The following GRID2 variants were observed in gnomAD, a reference collection of about 807,000 sequenced individuals.
The protein encoded by GRID2 is glutamate ionotropic receptor delta type subunit 2.
In GRID2, 33 loss-of-function variants were observed where a neutral mutation model predicts 114.8. The observed-to-expected ratio is 0.29, with a 90% CI of 0.22 to 0.38. The LOEUF (loss-of-function observed/expected upper bound fraction) is 0.38, where lower values mean the gene tolerates loss of function less well. Among genes scored for constraint, GRID2 ranks in the 10% least tolerant of loss-of-function variants. The probability of loss-of-function intolerance (pLI) is 1.00; values close to 1 mark genes in which losing one functional copy is unlikely to be tolerated. For missense variants in GRID2, 1,184 were observed against 1,257.7 expected (o/e 0.94, Z 0.89); for synonymous variants, 505 against 449.9 (o/e 1.12, Z -1.55).
intron 2 of GRID2, among the ~76,000 whole-genome samples, chr4:92,666,221 GTTA>G (rs78941076): frequency 0.061 from 9,207 of 151,326 alleles, 335 homozygotes; most frequent in East Asian, 0.16. Flanking sequence ...TTTCATTTCA[GTTA>G]TTATACTTCC....
Position 93,668,192 on chromosome 4 carries a change from T to G in GRID2, c.2360+41757T>G, listed in dbSNP as rs542000285. On this transcript the variant is annotated intron_variant, in intron 14 of 15. Coordinates refer to ENST00000282020, the MANE Select transcript of GRID2 (RefSeq NM_001510.4). ...ATACCTAAAGCTTTTCACTCAAGCA[T>G]TACACATTTCTCTGTCTTTATAAAC... Among the ~76,000 whole-genome samples, 4 of 152,108 alleles carry G rather than the reference T, an allele frequency of 2.6e-5. No homozygotes were observed. The East Asian group carries it at 7.7e-4, about 29-fold the overall frequency.
At chr4:93,211,886 C>T (rs950945398) in intron 5 of GRID2, among the ~76,000 whole-genome samples, 1 of 152,122 alleles carries the variant, frequency 6.6e-6, no homozygotes, top group African/African-American at 2.4e-5. Flanking sequence ...AAAATCAACA[C>T]TCTTACTTTC....
intron 5 of GRID2, among the ~76,000 whole-genome samples, chr4:93,211,521 T>A (rs1000242061): frequency 1.3e-5 from 2 of 152,080 alleles, no homozygotes; most frequent in Admixed American, 1.3e-4. Context: ...AATAACTCAA[T>A]ACATGTTAGA....
intron 13 of GRID2, among the ~76,000 whole-genome samples, chr4:93,588,267 T>C (rs1737742186): frequency 6.6e-6 from 1 of 152,112 alleles, no homozygotes; most frequent in Admixed American, 6.5e-5. Flanking sequence ...TTTAAATGAA[T>C]AAGCTAAAGA....
At chr4:93,777,517 C>G (rs181082058), downstream of GRID2, among the ~76,000 whole-genome samples, 183 of 152,234 alleles carry the variant, frequency 1.2e-3, no homozygotes, top group Middle Eastern at 3.4e-3. Context: ...TATTACCTAC[C>G]TCATAGTATA....
chr4:92,446,294 C>T (rs1279952762), intron 1 of GRID2, among the ~76,000 whole-genome samples: 1 of 152,100 alleles, frequency 6.6e-6, no homozygotes, highest in East Asian at 1.9e-4. Flanking sequence ...CTTCTTGGTA[C>T]CCAAATTGAG....
At chr4:92,441,202 G>A (rs916485203) in intron 1 of GRID2, among the ~76,000 whole-genome samples, 3 of 152,116 alleles carry the variant, frequency 2.0e-5, no homozygotes, top group Non-Finnish European at 4.4e-5. Context: ...AAGGTGTTTG[G>A]GTTTGAGAGA....
rs528018063 is a variant in GRID2, at chr4:92,675,616, T to C, written c.244+85330T>C. 2.0e-5 allele frequency among the ~76,000 whole-genome samples: 3 copies of C among 150,696 alleles called. No homozygotes were observed. The Middle Eastern group carries it at 0.01, about 516-fold the overall frequency. On this transcript the variant is annotated intron_variant, in intron 2 of 15. Coordinates refer to ENST00000282020, the MANE Select transcript of GRID2 (RefSeq NM_001510.4). ...CCCAGGCTGGAGTGCAGAGGCACGA[T>C]CTTGGCTCACTGCAAGCTCCGCCTC...
intron 8 of GRID2, among the ~76,000 whole-genome samples, chr4:93,387,040 C>G (rs746695231): frequency 8.5e-5 from 13 of 152,176 alleles, no homozygotes; most frequent in Non-Finnish European, 1.6e-4. Context: ...CTGTGAAGGC[C>G]TCCCAGGCAA....
chr4:92,799,122 T>C (rs1219132763), intron 2 of GRID2, among the ~76,000 whole-genome samples: 1 of 151,972 alleles, frequency 6.6e-6, no homozygotes, highest in Non-Finnish European at 1.5e-5. Context: ...TAATGTAGAA[T>C]CACTGGGAGC....
intron 1 of GRID2, among the ~76,000 whole-genome samples, chr4:92,523,531 G>C (rs1377548142): frequency 1.3e-5 from 2 of 152,148 alleles, no homozygotes; most frequent in Non-Finnish European, 2.9e-5. Context: ...TAAAGGAAGA[G>C]AGACATGTGA....
At chr4:93,403,923 T>G (rs2149342305) in intron 9 of GRID2, among the ~76,000 whole-genome samples, 1 of 152,208 alleles carries the variant, frequency 6.6e-6, no homozygotes, top group East Asian at 1.9e-4. Context: ...AAACTTGTAC[T>G]CAAATGCTCA....
Position 92,930,102 on chromosome 4 carries a change from G to A in GRID2, c.245-154893G>A, listed in dbSNP as rs143857984. On this transcript the variant is annotated intron_variant, in intron 2 of 15. Transcript: ENST00000282020. Reference sequence around the variant, plus strand: ...AGCATTTAATTTTCATAACTTTTTCGTAAATGAGGATACCGGAAGTCACAC... The same window carrying A: ...AGCATTTAATTTTCATAACTTTTTCATAAATGAGGATACCGGAAGTCACAC... 7.1e-4 allele frequency among the ~76,000 whole-genome samples: 107 copies of A among 151,220 alleles called. 1 individual carries two copies. Among genetic ancestry groups the A allele is most frequent in the African/African-American group, 2.4e-3 (98 of 41,450 alleles).
At chr4:93,613,961 G>A (rs1390971026) in intron 13 of GRID2, among the ~76,000 whole-genome samples, 5 of 151,750 alleles carry the variant, frequency 3.3e-5, no homozygotes, top group Non-Finnish European at 5.9e-5. Flanking sequence ...AGCAATCAGC[G>A]AGATTCCGTG....
intron 14 of GRID2, among the ~76,000 whole-genome samples, chr4:93,698,385 C>T (rs1161014970): frequency 6.6e-6 from 1 of 151,986 alleles, no homozygotes. Context: ...TATTTATCCA[C>T]AGCATCTGAG....
intron 1 of GRID2, among the ~76,000 whole-genome samples, chr4:92,411,842 A>G (rs925287787): frequency 6.6e-6 from 1 of 151,392 alleles, no homozygotes; most frequent in African/African-American, 2.4e-5. Context: ...AGTAGCTGGG[A>G]CTACAGGCGC....
chr4:92,363,604 G>C (rs185671266), intron 1 of GRID2, among the ~76,000 whole-genome samples: 2 of 151,782 alleles, frequency 1.3e-5, no homozygotes, highest in African/African-American at 2.4e-5. Flanking sequence ...TTTTTTTCTG[G>C]ATACCTATCT....
chr4:92,307,470 A>G (rs1350733704), intron 1 of GRID2, among the ~76,000 whole-genome samples: 2 of 152,134 alleles, frequency 1.3e-5, no homozygotes, highest in African/African-American at 2.4e-5. Context: ...TATATATTGA[A>G]TTATTTTGGT....
chr4:92,816,048 G>A (rs1740888075), intron 2 of GRID2, among the ~76,000 whole-genome samples: 2 of 151,106 alleles, frequency 1.3e-5, no homozygotes, highest in South Asian at 2.1e-4. Flanking sequence ...AAGCATGGTG[G>A]CTCATGCCTG....
Sources: allele counts gnomAD v4.1 joint callset (sites outside exome capture counted in the v4.1 genomes callset), GRCh38; gene constraint gnomAD v4.1.1; transcripts MANE v1.5; gene names NCBI Gene and HGNC (gene_info 2026-07-23, HGNC 2026-07-21).